The following TEX35 variants were observed in gnomAD, a reference collection of about 807,000 sequenced individuals.
TEX35 encodes the protein testis-expressed protein 35.
In TEX35, 26 loss-of-function variants were observed where a neutral mutation model predicts 31.9. That is an observed-to-expected ratio of 0.81 (90% CI 0.60 to 1.13). The LOEUF (loss-of-function observed/expected upper bound fraction) is 1.13. TEX35 is among the 50% of genes most tolerant of loss of function. The pLI is 0.00. For synonymous variants in TEX35, 87 were observed against 90.7 expected (o/e 0.96, Z 0.23); for missense variants, 278 against 273.5 (o/e 1.02, Z -0.12).
rs773418483 is a variant in TEX35 at position 178,520,723 on chromosome 1, AG to A, written c.393del (p.Thr132LeufsTer58). 8 of 1,614,146 alleles carry A rather than the reference AG, an allele frequency of 5.0e-6. No individual in the cohort carries two copies. Among genetic ancestry groups the A allele is most frequent in the Non-Finnish European group, 6.8e-6 (8 of 1,180,032 alleles). On this transcript the variant is annotated frameshift_variant, in exon 7 of 9. Transcript: ENST00000319416. LOFTEE classifies it high-confidence loss of function. Reference sequence around the variant, plus strand: ...CAGCAGGAACTCAGGCTGATGGGAAAGACTCACAGAGAACCACAGCTCAGGC... The same window carrying A: ...CAGCAGGAACTCAGGCTGATGGGAAAACTCACAGAGAACCACAGCTCAGGC... ...KEQQELRLMG[K>X]THREPQLRPK...
intron 5 of TEX35, among the ~76,000 whole-genome samples, chr1:178,517,503 C>A (rs1181756944): frequency 6.6e-6 from 1 of 152,182 alleles, no homozygotes; most frequent in Non-Finnish European, 1.5e-5. Flanking sequence ...ACCTTGGCTG[C>A]ACATTATAAT....
intron 8 of TEX35, chr1:178,521,666 A>T: frequency 6.4e-7 from 1 of 1,552,064 alleles, no homozygotes; most frequent in East Asian, 2.4e-5. Flanking sequence ...TGTGTTTCCA[A>T]CCTAGCGCAG....
intron 8 of TEX35, 178 bp from the exon 9 acceptor site, chr1:178,522,147 G>T: frequency 1.2e-6 from 1 of 867,340 alleles, no homozygotes. Flanking sequence ...GGTGTCTTGG[G>T]TGATGCAGGG....
intron 4 of TEX35, among the ~76,000 whole-genome samples, chr1:178,516,126 G>A (rs781508265): frequency 6.6e-6 from 1 of 152,216 alleles, no homozygotes; most frequent in Non-Finnish European, 1.5e-5. Context: ...TCCCTAAAGT[G>A]TCTCTTTGGT....
Position 178,520,747 on chromosome 1 carries a change from G to T in TEX35, c.416G>T (p.Arg139Met), listed in dbSNP as rs980870682. ...MGKTHREPQLRPKKMDGASGV... is the reference protein window; with the variant it reads ...MGKTHREPQLMPKKMDGASGV... ...AAGACTCACAGAGAACCACAGCTCA[G>T]GCCCAAGAAAATGGATGGAGCCAGT... Residue 139 changes from arginine to methionine, a missense_variant, in exon 7 of 9, where the codon AGG becomes ATG. Coordinates refer to ENST00000319416, the MANE Select transcript of TEX35 (RefSeq NM_032126.5). 8.7e-6 allele frequency: 14 copies of T among 1,614,126 alleles called. No homozygotes were observed. Among genetic ancestry groups the T allele is most frequent in the Non-Finnish European group, 1.2e-5 (14 of 1,180,036 alleles).
At chr1:178,513,264 T>C (rs1377548784) in intron 1 of TEX35, 37 bp downstream of exon 1, 2 of 1,613,342 alleles carry the variant, frequency 1.2e-6, no homozygotes, top group South Asian at 2.2e-5. Context: ...GTGGGTCCTC[T>C]CTGAGCTCCT....
At position 178,513,201 on chromosome 1, in the gene TEX35, A is replaced by G; in HGVS notation, c.13A>G (p.Arg5Gly). MSAK[R>G]AELKKTHLSK... Reference sequence around the variant, plus strand: ...GGCCTCCTCCATCATGTCGGCCAAGAGGGCAGAATTGAAGAAAACACATCT... The same window carrying G: ...GGCCTCCTCCATCATGTCGGCCAAGGGGGCAGAATTGAAGAAAACACATCT... The change falls in exon 1 of 9, where the codon AGG becomes GGG. Residue 5 changes from arginine to glycine, a missense_variant. Physicochemically the swap from Arg to Gly is moderately radical, Grantham distance 125. Coordinates refer to ENST00000319416, the MANE Select transcript of TEX35 (RefSeq NM_032126.5). 1 of 1,614,232 alleles carries G rather than the reference A, an allele frequency of 6.2e-7. No individual in the cohort carries two copies. Among genetic ancestry groups the G allele is most frequent in the Non-Finnish European group, 8.5e-7 (1 of 1,180,042 alleles).
At chr1:178,519,566 A>T (rs1418325906) in intron 5 of TEX35, among the ~76,000 whole-genome samples, 1 of 152,216 alleles carries the variant, frequency 6.6e-6, no homozygotes, top group African/African-American at 2.4e-5. Flanking sequence ...GCTTTTCAAG[A>T]AGGTATTTTA....
chr1:178,514,073 C>T lies in TEX35; in HGVS notation c.86C>T (p.Thr29Ile). 1.2e-6 allele frequency: 2 copies of T among 1,614,234 alleles called. No individual in the cohort carries two copies. The highest frequency in any genetic ancestry group is 1.7e-6 in the Non-Finnish European group (2 of 1,180,048). The change falls in exon 2 of 9, where the codon ACC (threonine) becomes ATC (isoleucine). Residue 29 changes from threonine (T) to isoleucine (I), a missense_variant. By Grantham distance (89) the Thr-to-Ile change is moderately conservative. Coordinates refer to ENST00000319416, the MANE Select transcript of TEX35 (RefSeq NM_032126.5). ...TGCCTGGAATTGAAGCCAGAGCCGA[C>T]CAAAGTAAGAAGCCCTTTTGAGGCC... ...AVCLELKPEP[T>I]KTFDYKAVKQ...
chr1:178,521,345 C>T, intron 8 of TEX35, 81 bp downstream of exon 8: 4 of 1,474,560 alleles, frequency 2.7e-6, no homozygotes, highest in Non-Finnish European at 3.8e-6. Context: ...CAGCCGCATT[C>T]ACATCACACC....
intron 8 of TEX35, chr1:178,522,094 C>T (rs555122226): frequency 2.8e-5 from 19 of 675,478 alleles, no homozygotes; most frequent in African/African-American, 5.4e-5. Context: ...CTGGCCCATC[C>T]GCTCCCTCCA....
In TEX35 at chr1:178,522,311, C is replaced by T. The variant is rs1268194143; in HGVS notation, c.587-14C>T. ...CCCCTTGAAGGTTTCCTCTCCCTCC[C>T]TCCACCCCCAAAGGGAACATTCCTT... On this transcript the variant is annotated splice_polypyrimidine_tract_variant and intron_variant, in intron 8 of 8. Transcript: ENST00000319416. The T allele has an allele frequency of 6.4e-7, 1 of 1,571,548 alleles. No homozygotes were observed. Among genetic ancestry groups the T allele is most frequent in the Non-Finnish European group, 8.6e-7 (1 of 1,156,242 alleles).
intron 8 of TEX35, 45 bp from the exon 9 acceptor site, chr1:178,522,280 T>G: frequency 6.5e-7 from 1 of 1,532,408 alleles, no homozygotes; most frequent in South Asian, 1.2e-5. Context: ...GATCCACCCT[T>G]CTCACCCCCT....
At chr1:178,513,845 G>A (rs1210323605) in intron 1 of TEX35, among the ~76,000 whole-genome samples, 182 bp from the exon 2 acceptor site, 3 of 152,234 alleles carry the variant, frequency 2.0e-5, no homozygotes, top group South Asian at 2.1e-4. Flanking sequence ...ACGACAAGAT[G>A]TGATTTGTTA....
At chr1:178,517,462 C>T (rs1237690567) in intron 5 of TEX35, among the ~76,000 whole-genome samples, 1 of 152,168 alleles carries the variant, frequency 6.6e-6, no homozygotes, top group African/African-American at 2.4e-5. Context: ...GGATGAGAAC[C>T]AGGTCCTAAA....
chr1:178,514,566 A>G, intron 2 of TEX35, 134 bp from the exon 3 acceptor site: 1 of 822,096 alleles, frequency 1.2e-6, no homozygotes, highest in Non-Finnish European at 1.9e-6. Flanking sequence ...CCTTCTGCAC[A>G]GGTGGGGCCA....
intron 5 of TEX35, among the ~76,000 whole-genome samples, chr1:178,517,347 T>C (rs1412364979): frequency 6.6e-6 from 1 of 152,194 alleles, no homozygotes; most frequent in African/African-American, 2.4e-5. Context: ...TGTGAGAATT[T>C]TAAAACTCCA....
intron 2 of TEX35, chr1:178,514,290 G>A (rs1649989373): frequency 6.9e-7 from 1 of 1,452,436 alleles, no homozygotes; most frequent in Non-Finnish European, 9.2e-7. Context: ...TACCTGCTCT[G>A]CTGGGAATCA....
chr1:178,514,231 A>G, intron 2 of TEX35, 154 bp downstream of exon 2: 1 of 1,547,730 alleles, frequency 6.5e-7, no homozygotes. Context: ...AGAACTTCAC[A>G]CTGTAACCAA....
Sources: allele counts gnomAD v4.1 joint callset (sites outside exome capture counted in the v4.1 genomes callset), GRCh38; gene constraint gnomAD v4.1.1; transcripts MANE v1.5; gene names NCBI Gene and HGNC (gene_info 2026-07-23, HGNC 2026-07-21).